SEL1L2: variants seen among roughly 807,000 people sequenced by gnomAD.
SEL1L2 encodes protein sel-1 homolog 2.
SEL1L2 carries 89 observed loss-of-function variants against 98.8 expected under a neutral mutation model. The observed-to-expected ratio is 0.90, with a 90% CI of 0.76 to 1.07. The LOEUF (loss-of-function observed/expected upper bound fraction) is 1.07. SEL1L2 is among the 50% of genes least tolerant of loss of function. SEL1L2 has a pLI of 0.00. For synonymous variants in SEL1L2, 262 were observed against 278.5 expected (o/e 0.94, Z 0.59); for missense variants, 788 against 812.0 (o/e 0.97, Z 0.36).
chr20:13,901,075 C>CTTTTT (rs1258936237), intron 5 of SEL1L2, among the ~76,000 whole-genome samples: 1 of 126,362 alleles, frequency 7.9e-6, no homozygotes, highest in Admixed American at 9.1e-5. Flanking sequence ...TTCTTTCTTT[C>CTTTTT]TTTTTTTTTT....
At chr20:13,990,859 A>G (rs1475132124), upstream of SEL1L2, among the ~76,000 whole-genome samples, 5 of 152,220 alleles carry the variant, frequency 3.3e-5, no homozygotes, top group African/African-American at 1.2e-4. Flanking sequence ...AACTGTGTTC[A>G]GGGGTGCTGG....
intron 10 of SEL1L2, among the ~76,000 whole-genome samples, chr20:13,881,521 C>G (rs1394177345): frequency 3.3e-5 from 5 of 152,166 alleles, no homozygotes; most frequent in Non-Finnish European, 5.9e-5. Context: ...CCAATTTATT[C>G]TGAGCCTTCA....
intron 10 of SEL1L2, among the ~76,000 whole-genome samples, chr20:13,878,282 C>T (rs1337912399): frequency 6.7e-6 from 1 of 150,070 alleles, no homozygotes; most frequent in Non-Finnish European, 1.5e-5. Context: ...AGAAATCAGC[C>T]TCAAGAATGT....
At chr20:13,903,737 G>C (rs1233148723) in intron 5 of SEL1L2, among the ~76,000 whole-genome samples, 3 of 152,056 alleles carry the variant, frequency 2.0e-5, no homozygotes, top group African/African-American at 2.4e-5. Context: ...CTTGAACCCG[G>C]GGGGGAGACG....
In SEL1L2 at chr20:13,869,537, G is replaced by A. The variant is rs189965456; in HGVS notation, c.1221C>T (p.Pro407=). 3.2e-4 allele frequency: 515 copies of A among 1,614,006 alleles called. 6 individuals are homozygous for A. The East Asian group carries it at 6.9e-3, about 22-fold the overall frequency. ...YFQKAAEKGW[P]DAQFQLGFMY... ...TGAAGCCTAACTGGAACTGTGCGTCGGGCCACCCTTTTTCCGCAGCTTTCT... is the reference window on the plus strand; with the variant it reads ...TGAAGCCTAACTGGAACTGTGCGTCAGGCCACCCTTTTTCCGCAGCTTTCT... The change falls in exon 14 of 20, where the codon CCC becomes CCT. Residue 407 remains proline, a synonymous_variant. Transcript: ENST00000284951.
chr20:13,964,882 T>C (rs1255271158), intron 1 of SEL1L2, among the ~76,000 whole-genome samples: 1 of 152,196 alleles, frequency 6.6e-6, no homozygotes, highest in Non-Finnish European at 1.5e-5. Context: ...CATATTTGCT[T>C]AGCTTTACAG....
At position 13,852,226 on chromosome 20, in the gene SEL1L2, G is replaced by A. The variant is rs147861458; in HGVS notation, c.1819-1907C>T. Among the ~76,000 whole-genome samples, 20 of 152,146 alleles carry A rather than the reference G, an allele frequency of 1.3e-4. No homozygotes were observed. The East Asian group carries it at 2.5e-3, about 19-fold the overall frequency. Reference sequence around the variant, plus strand: ...CAATAGTTATTCACTTATGTCTTGCGGTAGAAGCATTACAATTCAGTCATT... The same window carrying A: ...CAATAGTTATTCACTTATGTCTTGCAGTAGAAGCATTACAATTCAGTCATT... On this transcript the variant is annotated intron_variant, in intron 18 of 19. Transcript: ENST00000284951.
intron 3 of SEL1L2, among the ~76,000 whole-genome samples, chr20:13,923,339 T>C (rs1460910110): frequency 6.6e-6 from 1 of 152,258 alleles, no homozygotes. Context: ...TGTCTACTTA[T>C]GGCTTGTAAT....
chr20:13,944,242 C>G (rs2049911726), intron 2 of SEL1L2, among the ~76,000 whole-genome samples: 1 of 152,100 alleles, frequency 6.6e-6, no homozygotes, highest in South Asian at 2.1e-4. Context: ...CAGCAAATGC[C>G]AATCATGTAA....
chr20:13,854,873 GA>G (rs1269747926), intron 18 of SEL1L2, among the ~76,000 whole-genome samples: 5 of 152,014 alleles, frequency 3.3e-5, no homozygotes, highest in African/African-American at 9.7e-5. Flanking sequence ...CCAACATGGT[GA>G]AACCCCATCT....
chr20:13,919,923 T>TCAA (rs1451286894), intron 3 of SEL1L2, among the ~76,000 whole-genome samples: 1 of 49,992 alleles, frequency 2.0e-5, no homozygotes, highest in East Asian at 7.1e-4. Context: ...AGACTCCGTC[T>TCAA]CAAAAAAAAA....
chr20:13,989,304 T>C (rs570848920), intron 1 of SEL1L2, among the ~76,000 whole-genome samples: 1 of 151,608 alleles, frequency 6.6e-6, no homozygotes, highest in Admixed American at 6.6e-5. Context: ...GAAATAGAAC[T>C]TTTTTTTTGT....
intron 1 of SEL1L2, among the ~76,000 whole-genome samples, chr20:13,961,695 G>T (rs1352263581): frequency 6.6e-6 from 1 of 152,166 alleles, no homozygotes; most frequent in African/African-American, 2.4e-5. Flanking sequence ...AAGGAAGGAC[G>T]ACTCAGAAGG....
At chr20:13,994,483 A>T (rs796151022), upstream of SEL1L2, among the ~76,000 whole-genome samples, 1 of 152,066 alleles carries the variant, frequency 6.6e-6, no homozygotes, top group African/African-American at 2.4e-5. Flanking sequence ...TATTTGCCCA[A>T]TATATATAAC....
intron 5 of SEL1L2, among the ~76,000 whole-genome samples, chr20:13,891,296 T>TA (rs2047194624): frequency 6.6e-6 from 1 of 152,134 alleles, no homozygotes; most frequent in African/African-American, 2.4e-5. Context: ...GAAGTCCCTG[T>TA]AACATTATCA....
At chr20:13,958,987 G>A (rs6074670) in intron 1 of SEL1L2, among the ~76,000 whole-genome samples, 102,428 of 150,686 alleles carry the variant, frequency 0.68, 36,069 homozygotes, top group South Asian at 0.79. Context: ...CATAGTGGGC[G>A]GCCATCGGAA....
At chr20:13,910,898 G>A (rs1159149151) in intron 5 of SEL1L2, among the ~76,000 whole-genome samples, 2 of 152,194 alleles carry the variant, frequency 1.3e-5, no homozygotes, top group Admixed American at 6.5e-5. Context: ...CAATAACCAC[G>A]TTAACTAGAG....
intron 5 of SEL1L2, among the ~76,000 whole-genome samples, chr20:13,897,214 G>T (rs1460134861): frequency 6.6e-6 from 1 of 152,164 alleles, no homozygotes; most frequent in Non-Finnish European, 1.5e-5. Flanking sequence ...ACATGCAAAA[G>T]AATGTAGTTG....
rs563181429 is a variant in SEL1L2, at chr20:13,862,435, C to T, written c.1645+2732G>A. Among the ~76,000 whole-genome samples, 10 of 152,246 alleles carry T rather than the reference C, an allele frequency of 6.6e-5. No individual in the cohort carries two copies. In the South Asian group the frequency reaches 2.1e-3, roughly 32 times the overall value. On this transcript the variant is annotated intron_variant, in intron 17 of 19. Transcript: ENST00000284951. ...CCTTCTAGCATGGTCTCGGCTTACT[C>T]AGAAAAAGAGGAAGTGCCCTGTATG...
Sources: gnomAD v4.1 joint callset for allele counts (sites outside exome capture counted in the v4.1 genomes callset) on GRCh38, gnomAD v4.1.1 for gene constraint, MANE v1.5 for transcripts, NCBI Gene and HGNC (gene_info 2026-07-23, HGNC 2026-07-21) for gene names.